PHKB: variants seen among roughly 807,000 people sequenced by gnomAD.
PHKB encodes phosphorylase b kinase regulatory subunit beta.
PHKB carries 122 observed loss-of-function variants against 152.1 expected under a neutral mutation model. The observed-to-expected ratio is 0.80, with a 90% CI of 0.69 to 0.93. The LOEUF (loss-of-function observed/expected upper bound fraction) is 0.93. Among genes scored for constraint, PHKB ranks in the 40% least tolerant of loss-of-function variants. The pLI, the probability that PHKB is intolerant of heterozygous loss-of-function variation, is 0.00. For missense variants in PHKB, 1,304 were observed against 1,328.4 expected (o/e 0.98, Z 0.29); for synonymous variants, 436 against 464.9 (o/e 0.94, Z 0.80).
chr16:47,528,883 A>G (rs758410604), intron 6 of PHKB, among the ~76,000 whole-genome samples: 1 of 151,850 alleles, frequency 6.6e-6, no homozygotes, highest in Non-Finnish European at 1.5e-5. Context: ...TTTAGTAGAG[A>G]TGGGGTTTCA....
chr16:47,552,688 A>G (rs1971293479), intron 7 of PHKB, among the ~76,000 whole-genome samples: 2 of 151,950 alleles, frequency 1.3e-5, no homozygotes, highest in African/African-American at 2.4e-5. Flanking sequence ...GGGTGCCTGT[A>G]ATCCCAGCAA....
At chr16:47,466,505 A>G (rs1044932701) in intron 1 of PHKB, among the ~76,000 whole-genome samples, 1 of 152,230 alleles carries the variant, frequency 6.6e-6, no homozygotes, top group African/African-American at 2.4e-5. Flanking sequence ...CTTAAATGAC[A>G]AAGATAATTT....
chr16:47,491,254 G>C (rs539430765), intron 1 of PHKB, among the ~76,000 whole-genome samples: 1 of 152,188 alleles, frequency 6.6e-6, no homozygotes, highest in African/African-American at 2.4e-5. Flanking sequence ...TTGTAAGGAA[G>C]TATATGTCCC....
intron 6 of PHKB, among the ~76,000 whole-genome samples, chr16:47,544,187 C>T (rs905951503): frequency 3.9e-5 from 6 of 152,194 alleles, no homozygotes; most frequent in South Asian, 2.1e-4. Flanking sequence ...GTTAGGGTGT[C>T]GATTTTGGAT....
chr16:47,602,931 G>GTCTC (rs143245935), intron 13 of PHKB, among the ~76,000 whole-genome samples: 1 of 149,992 alleles, frequency 6.7e-6, no homozygotes, highest in East Asian at 1.9e-4. Flanking sequence ...ACTTCTCTCT[G>GTCTC]TCTCTCTCTC....
rs1352609175 is a variant in PHKB at position 47,511,701 on chromosome 16, T to C, written c.442T>C (p.Cys148Arg). Residue 148 changes from cysteine to arginine, a missense_variant, in exon 5 of 31, where the codon TGT becomes CGT. Coordinates refer to ENST00000323584, the MANE Select transcript of PHKB (RefSeq NM_000293.3). Reference sequence around the variant, plus strand: ...TAAGCAGGATCCACGCCCAACAACATGTCTTCACTCTGTTTTCAATGTGCA... The same window carrying C: ...TAAGCAGGATCCACGCCCAACAACACGTCTTCACTCTGTTTTCAATGTGCA... ...QFKQDPRPTT[C>R]LHSVFNVHTG... The C allele has an allele frequency of 3.7e-6, 6 of 1,613,400 alleles. No homozygotes were observed. Among genetic ancestry groups the C allele is most frequent in the African/African-American group, 1.3e-5 (1 of 74,930 alleles).
chr16:47,560,654 CA>C (rs1423267399), intron 7 of PHKB, among the ~76,000 whole-genome samples: 1 of 152,126 alleles, frequency 6.6e-6, no homozygotes, highest in Admixed American at 6.5e-5. Flanking sequence ...AAAGACAATT[CA>C]GGGGGAAAGG....
At chr16:47,612,347 A>T (rs868220864) in intron 14 of PHKB, among the ~76,000 whole-genome samples, 1 of 152,242 alleles carries the variant, frequency 6.6e-6, no homozygotes, top group Non-Finnish European at 1.5e-5. Flanking sequence ...GCCAGAGAAC[A>T]TCAAAGCATT....
intron 14 of PHKB, among the ~76,000 whole-genome samples, chr16:47,621,004 A>G (rs569650045): frequency 6.6e-6 from 1 of 152,332 alleles, no homozygotes; most frequent in Non-Finnish European, 1.5e-5. Context: ...TGACTACCTC[A>G]TTGGCTGGGA....
At chr16:47,658,809 AGTGTGTGTGTGT>A (rs36066227) in intron 20 of PHKB, among the ~76,000 whole-genome samples, 28 of 140,828 alleles carry the variant, frequency 2.0e-4, no homozygotes, top group East Asian at 1.1e-3. Context: ...AATGCATGAC[AGTGTGTGTGTGT>A]GTGTGTGTGT....
Position 47,650,038 on chromosome 16 carries a change from T to C in PHKB, c.1798-506T>C, listed in dbSNP as rs143603501. Among the ~76,000 whole-genome samples, 262 of 152,242 alleles carry C rather than the reference T, an allele frequency of 1.7e-3. 1 individual carries two copies. Among genetic ancestry groups the C allele is most frequent in the Middle Eastern group, 3.4e-3 (1 of 294 alleles). On this transcript the variant is annotated intron_variant, in intron 18 of 30. Coordinates refer to ENST00000323584, the MANE Select transcript of PHKB (RefSeq NM_000293.3). ...CTGCTGTAAAATAAATCCCTAGTAA[T>C]ATGAAGTGAGTTAATCTTCTGGACG... is the stretch of plus-strand genomic sequence containing the variant.
chr16:47,478,885 A>G (rs1424303194), intron 1 of PHKB, among the ~76,000 whole-genome samples: 3 of 152,198 alleles, frequency 2.0e-5, no homozygotes, highest in Admixed American at 6.5e-5. Flanking sequence ...TTACAGTAGC[A>G]TAAAGAAATG....
intron 26 of PHKB, among the ~76,000 whole-genome samples, chr16:47,678,081 C>G (rs1973769481): frequency 6.6e-6 from 1 of 151,938 alleles, no homozygotes; most frequent in South Asian, 2.1e-4. Flanking sequence ...CATCCATGTC[C>G]CTACAAAGGA....
At chr16:47,494,938 C>T (rs1400323775) in intron 1 of PHKB, among the ~76,000 whole-genome samples, 1 of 152,028 alleles carries the variant, frequency 6.6e-6, no homozygotes, top group African/African-American at 2.4e-5. Flanking sequence ...TGTAGAACAT[C>T]CTTGTTTAAT....
At chr16:47,599,047 G>C (rs1409508056) in intron 13 of PHKB, 1 of 642,586 alleles carries the variant, frequency 1.6e-6, no homozygotes, top group Non-Finnish European at 2.7e-6. Context: ...AGTTTTCTTA[G>C]AATCAACCCA....
chr16:47,547,055 A>G (rs1185559283), intron 6 of PHKB, among the ~76,000 whole-genome samples: 1 of 152,176 alleles, frequency 6.6e-6, no homozygotes, highest in Non-Finnish European at 1.5e-5. Flanking sequence ...GACCCCTTGC[A>G]CTTCCTGGGT....
chr16:47,468,355 A>G (rs1447319073), intron 1 of PHKB, among the ~76,000 whole-genome samples: 1 of 152,212 alleles, frequency 6.6e-6, no homozygotes, highest in Middle Eastern at 3.2e-3. Flanking sequence ...TGTATCTGTC[A>G]TTACTTAGCA....
At chr16:47,638,674 T>A (rs1972963048) in intron 14 of PHKB, among the ~76,000 whole-genome samples, 1 of 152,256 alleles carries the variant, frequency 6.6e-6, no homozygotes, top group Middle Eastern at 3.2e-3. Context: ...AAAACTTATC[T>A]GTTATCCATC....
intron 9 of PHKB, among the ~76,000 whole-genome samples, chr16:47,588,436 A>G (rs1971971400): frequency 6.6e-6 from 1 of 152,060 alleles, no homozygotes. Context: ...TTTTTATTTT[A>G]CAAAGCTATA....
Sources: gnomAD v4.1 joint callset for allele counts (sites outside exome capture counted in the v4.1 genomes callset) on GRCh38, gnomAD v4.1.1 for gene constraint, MANE v1.5 for transcripts, NCBI Gene and HGNC (gene_info 2026-07-23, HGNC 2026-07-21) for gene names.